The following SLC4A8 variants were observed in gnomAD, a reference collection of about 807,000 sequenced individuals.
SLC4A8 encodes solute carrier family 4 member 8, also known as electroneutral sodium bicarbonate exchanger 1.
Under a neutral mutation model 125.0 loss-of-function variants are expected in SLC4A8, and 40 were observed. That is an observed-to-expected ratio of 0.32 (90% confidence interval 0.25 to 0.42). The LOEUF is 0.42. Among genes scored for constraint, SLC4A8 ranks in the 10% least tolerant of loss-of-function variants. The pLI is 1.00. For missense variants in SLC4A8, 863 were observed against 1,355.1 expected (o/e 0.64, Z 5.70); for synonymous variants, 456 against 476.0 (o/e 0.96, Z 0.55).
chr12:51,447,321 G>A (rs1267135475), intron 2 of SLC4A8, among the ~76,000 whole-genome samples: 2 of 151,952 alleles, frequency 1.3e-5, no homozygotes, highest in East Asian at 1.9e-4. Context: ...CAAACTCCTG[G>A]CCTTAAACAG....
At chr12:51,442,093 C>T (rs577360259) in intron 2 of SLC4A8, among the ~76,000 whole-genome samples, 1 of 152,218 alleles carries the variant, frequency 6.6e-6, no homozygotes, top group African/African-American at 2.4e-5. Flanking sequence ...AGGTAGGTAT[C>T]ATTATCCCTA....
upstream of SLC4A8, among the ~76,000 whole-genome samples, chr12:51,424,072 A>C: frequency 6.9e-6 from 1 of 145,218 alleles, no homozygotes; most frequent in Admixed American, 6.8e-5. Context: ...ACAACAAAAA[A>C]AAAACAAAAA....
At chr12:51,502,837 A>ATTT (rs557351749) in intron 22 of SLC4A8, among the ~76,000 whole-genome samples, 7 of 118,394 alleles carry the variant, frequency 5.9e-5, no homozygotes, top group African/African-American at 1.7e-4. Flanking sequence ...CGCCCGACTA[A>ATTT]TTTTTTTTTT....
chr12:51,440,152 A>G (rs1592186191), intron 1 of SLC4A8, among the ~76,000 whole-genome samples: 1 of 151,176 alleles, frequency 6.6e-6, no homozygotes, highest in African/African-American at 2.4e-5. Context: ...GGCCAAGGAG[A>G]CCAATCTACA....
At chr12:51,483,465 C>A (rs763924504) in intron 16 of SLC4A8, among the ~76,000 whole-genome samples, 19 of 147,428 alleles carry the variant, frequency 1.3e-4, no homozygotes, top group Non-Finnish European at 2.5e-4. Flanking sequence ...TTCTTTTTTT[C>A]TTTTCTCTTT....
At chr12:51,467,617 C>T (rs550355674) in intron 11 of SLC4A8, among the ~76,000 whole-genome samples, 5 of 152,226 alleles carry the variant, frequency 3.3e-5, no homozygotes, top group African/African-American at 7.2e-5. Context: ...AGCCTCCTTC[C>T]GTGAGAGAGT....
intron 1 of SLC4A8, 32 bp downstream of exon 1, chr12:51,425,067 T>A: frequency 6.5e-7 from 1 of 1,542,226 alleles, no homozygotes; most frequent in Non-Finnish European, 8.7e-7. Flanking sequence ...CTCCCGCTCC[T>A]CCCCGGGGCG....
chr12:51,432,822 G>C (rs568138445), intron 1 of SLC4A8, among the ~76,000 whole-genome samples: 2 of 151,020 alleles, frequency 1.3e-5, no homozygotes, highest in Non-Finnish European at 2.9e-5. Flanking sequence ...TGACTTTTTT[G>C]GGGGGGGTCT....
In SLC4A8 at chr12:51,489,913, C is replaced by T. The variant is rs764241093; in HGVS notation, c.2662C>T (p.Leu888=). The change falls in exon 19 of 25, where the codon CTG becomes TTG. Residue 888 remains leucine, a synonymous_variant. Transcript: ENST00000453097. ...AGTGACAGGCCTTATGATCTTTGTG[C>T]TGATGGGCTGCTCAGTCTTCATGAC... ...QRVTGLMIFV[L]MGCSVFMTAI... is the part of the protein sequence containing the mutation. 3.7e-6 allele frequency: 6 copies of T among 1,614,194 alleles called. No individual in the cohort carries two copies. The highest frequency in any genetic ancestry group is 2.7e-5 in the African/African-American group (2 of 75,044).
intron 19 of SLC4A8, among the ~76,000 whole-genome samples, chr12:51,492,575 T>C (rs569856977): frequency 6.6e-5 from 10 of 152,284 alleles, no homozygotes; most frequent in African/African-American, 2.4e-4. Flanking sequence ...GACAATTCTC[T>C]TAGGACAACT....
intron 1 of SLC4A8, among the ~76,000 whole-genome samples, chr12:51,399,414 G>T (rs936657644): frequency 9.9e-5 from 15 of 152,120 alleles, no homozygotes; most frequent in African/African-American, 3.6e-4. Context: ...TAGAAACATA[G>T]TTCAGAGGAG....
chr12:51,468,127 C>G (rs1950577752), intron 11 of SLC4A8, among the ~76,000 whole-genome samples: 1 of 152,128 alleles, frequency 6.6e-6, no homozygotes, highest in Non-Finnish European at 1.5e-5. Context: ...CCGAGTGGCT[C>G]TTTTTGTTAT....
At chr12:51,503,440 TGAC>T (rs1938021891) in intron 22 of SLC4A8, among the ~76,000 whole-genome samples, 1 of 151,888 alleles carries the variant, frequency 6.6e-6, no homozygotes, top group Non-Finnish European at 1.5e-5. Flanking sequence ...CTCGATCTCC[TGAC>T]TTCATGATCT....
chr12:51,431,058 G>C (rs1287086602), intron 1 of SLC4A8, among the ~76,000 whole-genome samples: 1 of 152,154 alleles, frequency 6.6e-6, no homozygotes, highest in African/African-American at 2.4e-5. Flanking sequence ...GAGAGGATCT[G>C]TTTCCTCGCC....
chr12:51,436,066 T>C (rs999652974), intron 1 of SLC4A8, among the ~76,000 whole-genome samples: 1 of 152,246 alleles, frequency 6.6e-6, no homozygotes, highest in Non-Finnish European at 1.5e-5. Flanking sequence ...TGTATATTAT[T>C]GTTGATACTT....
chr12:51,496,862 T>C, intron 21 of SLC4A8, 125 bp from the exon 22 acceptor site: 1 of 867,700 alleles, frequency 1.2e-6, no homozygotes, highest in Non-Finnish European at 1.8e-6. Flanking sequence ...TGGTGACTGT[T>C]AGGATTATTA....
At position 51,469,717 on chromosome 12, in the gene SLC4A8, C is replaced by T; in HGVS notation, c.1453C>T (p.Leu485=). The change falls in exon 12 of 25, where the codon CTG becomes TTG. Residue 485 remains leucine, a synonymous_variant. Coordinates refer to ENST00000453097, the MANE Select transcript of SLC4A8 (RefSeq NM_001039960.3). ...SLQCLASFLF[L]YCACMSPVIT... is the part of the protein sequence containing the mutation. ...ACAGTGTTTGGCTTCCTTTCTGTTC[C>T]TGTACTGTGCCTGCATGTCACCTGT... 1 of 1,614,108 alleles carries T rather than the reference C, an allele frequency of 6.2e-7. No homozygotes were observed. The highest frequency in any genetic ancestry group is 1.1e-5 in the South Asian group (1 of 91,082).
At chr12:51,396,577 T>G (rs1262761168) in intron 1 of SLC4A8, among the ~76,000 whole-genome samples, 1 of 151,966 alleles carries the variant, frequency 6.6e-6, no homozygotes, top group Admixed American at 6.6e-5. Context: ...GCCTGGTGGC[T>G]CATGTCTGTA....
chr12:51,451,072 G>T (rs1314207052), intron 3 of SLC4A8, 50 bp downstream of exon 3: 4 of 1,378,548 alleles, frequency 2.9e-6, no homozygotes, highest in Non-Finnish European at 3.8e-6. Context: ...GGGGAATGGG[G>T]AGGCTGAGGG....
Sources: allele counts gnomAD v4.1 joint callset (sites outside exome capture counted in the v4.1 genomes callset), GRCh38; gene constraint gnomAD v4.1.1; transcripts MANE v1.5; gene names NCBI Gene and HGNC (gene_info 2026-07-23, HGNC 2026-07-21).